CCNJL: variants seen among roughly 807,000 people sequenced by gnomAD.
CCNJL encodes the protein cyclin-J-like protein.
CCNJL carries 33 observed loss-of-function variants against 33.4 expected under a neutral mutation model. That is an observed-to-expected ratio of 0.99 (90% CI 0.75 to 1.32). CCNJL has a LOEUF of 1.32. Ranked by LOEUF, CCNJL falls within the 40% of genes most tolerant of loss-of-function variation. The pLI is 0.00. For missense variants in CCNJL, 512 were observed against 499.7 expected, an observed-to-expected ratio of 1.02 and a Z score of -0.23; for synonymous variants, 227 against 220.9, an observed-to-expected ratio of 1.03 and a Z score of -0.24.
At chr5:160,256,496 CTT>C in intron 4 of CCNJL, among the ~76,000 whole-genome samples, 1 of 152,314 alleles carries the variant, frequency 6.6e-6, no homozygotes, top group South Asian at 2.1e-4. Context: ...ACTGAGGAAT[CTT>C]AATGTCCAAC....
chr5:160,259,294 G>A (rs879641116), intron 4 of CCNJL, among the ~76,000 whole-genome samples, 175 bp downstream of exon 4: 4 of 152,168 alleles, frequency 2.6e-5, no homozygotes, highest in Non-Finnish European at 5.9e-5. Flanking sequence ...CATGTTACTG[G>A]GCGAATCCTT....
chr5:160,324,434 G>A (rs574218524), intron 1 of CCNJL, among the ~76,000 whole-genome samples: 33 of 152,226 alleles, frequency 2.2e-4, no homozygotes, highest in African/African-American at 7.5e-4. Flanking sequence ...TTAGCCAGGC[G>A]TGGTGGCGGG....
chr5:160,335,087 A>G (rs887242456), intron 1 of CCNJL, among the ~76,000 whole-genome samples: 23 of 152,168 alleles, frequency 1.5e-4, no homozygotes, highest in Non-Finnish European at 3.1e-4. Flanking sequence ...ACATGGTGAA[A>G]TCCCATCTCT....
chr5:160,282,102 T>C (rs532774622), intron 2 of CCNJL, among the ~76,000 whole-genome samples: 21 of 152,294 alleles, frequency 1.4e-4, no homozygotes, highest in African/African-American at 4.6e-4. Context: ...CGGGATGAGA[T>C]CGAAACAAAT....
chr5:160,294,414 T>G (rs1328958002), intron 2 of CCNJL, among the ~76,000 whole-genome samples: 1 of 152,096 alleles, frequency 6.6e-6, no homozygotes, highest in East Asian at 1.9e-4. Context: ...AGGCACCACA[T>G]CCGCAGCCGG....
chr5:160,332,846 A>G (rs1383305006), intron 1 of CCNJL, among the ~76,000 whole-genome samples: 1 of 151,998 alleles, frequency 6.6e-6, no homozygotes, highest in Non-Finnish European at 1.5e-5. Context: ...GGCTTTTAAA[A>G]TCTTGTTTAC....
At chr5:160,260,720 C>T (rs1580950264) in intron 3 of CCNJL, among the ~76,000 whole-genome samples, 1 of 152,120 alleles carries the variant, frequency 6.6e-6, no homozygotes, top group Admixed American at 6.5e-5. Context: ...CACAGGTGGC[C>T]GTGGACCCTG....
chr5:160,300,356 G>A (rs889949941), intron 2 of CCNJL, among the ~76,000 whole-genome samples: 11 of 152,080 alleles, frequency 7.2e-5, no homozygotes, highest in South Asian at 2.1e-4. Context: ...GCCCAGTTCC[G>A]TGCTGCAGAT....
intron 1 of CCNJL, 132 bp from the exon 2 acceptor site, chr5:160,312,104 G>A (rs1001250690): frequency 1.8e-5 from 11 of 613,090 alleles, no homozygotes; most frequent in East Asian, 1.1e-4. Context: ...AGGAGCTGGA[G>A]GTCGCCTCTG....
chr5:160,315,530 GA>G (rs1763372057), upstream of CCNJL: 1 of 289,650 alleles, frequency 3.5e-6, no homozygotes, highest in Non-Finnish European at 7.7e-6. Context: ...AAAAACAAGA[GA>G]AAGAATAAGC....
At chr5:160,272,819 A>C (rs542114352) in intron 3 of CCNJL, among the ~76,000 whole-genome samples, 4 of 152,330 alleles carry the variant, frequency 2.6e-5, no homozygotes, top group African/African-American at 9.6e-5. Context: ...GTTGACCAAA[A>C]CAATTCCACC....
At chr5:160,300,336 G>A (rs1466446389) in intron 2 of CCNJL, among the ~76,000 whole-genome samples, 1 of 152,224 alleles carries the variant, frequency 6.6e-6, no homozygotes, top group Middle Eastern at 3.4e-3. Flanking sequence ...AGCCCTTGAT[G>A]CAGGTCTCAG....
At chr5:160,314,692 G>C (rs1010912093), upstream of CCNJL, among the ~76,000 whole-genome samples, 5 of 152,228 alleles carry the variant, frequency 3.3e-5, no homozygotes, top group African/African-American at 1.2e-4. Flanking sequence ...AAAGGTTGAT[G>C]CTACTTTCTA....
chr5:160,268,058 T>TA (rs893689105), intron 3 of CCNJL, among the ~76,000 whole-genome samples: 2 of 152,194 alleles, frequency 1.3e-5, no homozygotes, highest in African/African-American at 4.8e-5. Context: ...TGACTTTTTT[T>TA]AAAAAACAGA....
chr5:160,312,683 A>C (rs1354602627), upstream of CCNJL: 5 of 151,806 alleles, frequency 3.3e-5, no homozygotes, highest in Admixed American at 6.5e-5. Flanking sequence ...TTTCTTTGCC[A>C]GCTCTGGCTC....
intron 1 of CCNJL, among the ~76,000 whole-genome samples, chr5:160,320,119 T>C (rs1763422265): frequency 6.6e-6 from 1 of 152,142 alleles, no homozygotes; most frequent in African/African-American, 2.4e-5. Flanking sequence ...TTGTTCATAT[T>C]AGTAAAATGA....
intron 3 of CCNJL, among the ~76,000 whole-genome samples, chr5:160,267,405 C>G (rs1322395233): frequency 3.9e-5 from 6 of 152,194 alleles, no homozygotes; most frequent in Non-Finnish European, 8.8e-5. Context: ...TCTGTCTGCT[C>G]CATGAGGGTA....
At chr5:160,313,856 A>C (rs2113465988), upstream of CCNJL, among the ~76,000 whole-genome samples, 1 of 152,374 alleles carries the variant, frequency 6.6e-6, no homozygotes, top group South Asian at 2.1e-4. Flanking sequence ...AGAAAAGCTA[A>C]GAAATTTATA....
At chr5:160,285,500 C>CTGGCCAACAGAGGGAAGTCG (rs539022058) in intron 2 of CCNJL, among the ~76,000 whole-genome samples, 5 of 152,174 alleles carry the variant, frequency 3.3e-5, no homozygotes, top group Non-Finnish European at 5.9e-5. Flanking sequence ...ACAGAAGGTC[C>CTGGCCAACAGAGGGAAGTCG]TGGCCAACAG....
Sources: allele counts gnomAD v4.1 joint callset (sites outside exome capture counted in the v4.1 genomes callset), GRCh38; gene constraint gnomAD v4.1.1; transcripts MANE v1.5; gene names NCBI Gene and HGNC (gene_info 2026-07-23, HGNC 2026-07-21).